The following DTWD2 variants were observed in gnomAD, a reference collection of about 807,000 sequenced individuals.
The protein encoded by DTWD2 is tRNA-uridine aminocarboxypropyltransferase 2.
DTWD2 carries 39 observed loss-of-function variants against 31.8 expected under a neutral mutation model. That is an observed-to-expected ratio of 1.22 (90% confidence interval 0.95 to 1.60). The LOEUF (loss-of-function observed/expected upper bound fraction) is 1.60. DTWD2 is among the 40% of genes most tolerant of loss of function. The probability of loss-of-function intolerance (pLI) is 0.00; values close to 1 mark genes in which losing one functional copy is unlikely to be tolerated. For synonymous variants in DTWD2, 180 were observed against 142.8 expected (o/e 1.26, Z -1.86); for missense variants, 515 against 381.5 (o/e 1.35, Z -2.92).
intron 3 of DTWD2, among the ~76,000 whole-genome samples, chr5:118,935,424 C>T (rs527755223): frequency 2.2e-4 from 33 of 152,276 alleles, no homozygotes; most frequent in Admixed American, 1.2e-3. Context: ...AGCCCTCATC[C>T]TGTGGGATGT....
At chr5:118,882,059 T>A (rs1752753703) in intron 4 of DTWD2, among the ~76,000 whole-genome samples, 1 of 152,220 alleles carries the variant, frequency 6.6e-6, no homozygotes, top group African/African-American at 2.4e-5. Flanking sequence ...CTTCCGCCTA[T>A]GAGCCAGTAC....
rs572817983 is a variant in DTWD2, at chr5:118,849,464, G to A, written c.598-1246C>T. Among the ~76,000 whole-genome samples, 21 of 152,284 alleles carry A rather than the reference G, an allele frequency of 1.4e-4. No homozygotes were observed. The South Asian group carries it at 2.1e-3, about 15-fold the overall frequency. On this transcript the variant is annotated intron_variant, in intron 4 of 5. Transcript: ENST00000510708. The stretch of plus-strand genomic sequence containing the variant: ...TAGTTCAATCACTGTAGAAGACAGC[G>A]TGGCAATTCCTCAACGATCTACAAC...
intron 4 of DTWD2, among the ~76,000 whole-genome samples, chr5:118,851,988 C>A (rs1284594979): frequency 6.6e-6 from 1 of 152,138 alleles, no homozygotes; most frequent in Non-Finnish European, 1.5e-5. Context: ...ATCTCAACCG[C>A]AGAGGACAGA....
At chr5:118,934,488 T>C (rs191405626) in intron 3 of DTWD2, among the ~76,000 whole-genome samples, 1 of 151,960 alleles carries the variant, frequency 6.6e-6, no homozygotes, top group African/African-American at 2.4e-5. Context: ...TGTTATATAT[T>C]TAATGTATAA....
chr5:118,886,938 G>A (rs892574881), intron 4 of DTWD2, among the ~76,000 whole-genome samples: 9 of 152,094 alleles, frequency 5.9e-5, no homozygotes, highest in Non-Finnish European at 1.3e-4. Flanking sequence ...ATTTGGGTAA[G>A]AAATTAATGC....
chr5:118,935,374 A>T (rs765907458), intron 3 of DTWD2, among the ~76,000 whole-genome samples: 5 of 152,170 alleles, frequency 3.3e-5, no homozygotes, highest in Non-Finnish European at 7.3e-5. Context: ...CGGACTTGCC[A>T]ATGGTGTCTG....
At chr5:118,977,343 C>T (rs1755186036) in intron 1 of DTWD2, among the ~76,000 whole-genome samples, 1 of 152,110 alleles carries the variant, frequency 6.6e-6, no homozygotes, top group South Asian at 2.1e-4. Flanking sequence ...TCAGGGCAAT[C>T]AGGCAAGAGA....
chr5:118,899,592 TACAAA>T (rs1753158220), intron 4 of DTWD2, among the ~76,000 whole-genome samples: 1 of 152,014 alleles, frequency 6.6e-6, no homozygotes, highest in African/African-American at 2.4e-5. Flanking sequence ...TCCATGAATC[TACAAA>T]ACAAACACAC....
intron 4 of DTWD2, among the ~76,000 whole-genome samples, chr5:118,892,345 CA>C (rs1752993267): frequency 6.6e-6 from 1 of 152,088 alleles, no homozygotes; most frequent in Non-Finnish European, 1.5e-5. Context: ...AACACATTGA[CA>C]AAATTGGTTC....
Position 118,944,650 on chromosome 5 carries a change from C to A in DTWD2, c.219-1G>T. Reference sequence around the variant, plus strand: ...ACACAAACACACTTTCTGAGGCCGGCTAAAGGGTAAAAAGAAAAATAAAAC... The same window carrying A: ...ACACAAACACACTTTCTGAGGCCGGATAAAGGGTAAAAAGAAAAATAAAAC... On this transcript the variant is annotated splice_acceptor_variant, in intron 1 of 5. Transcript: ENST00000510708. LOFTEE classifies it high-confidence loss of function. 1 of 1,610,378 alleles carries A rather than the reference C, an allele frequency of 6.2e-7. No homozygotes were observed.
chr5:118,953,352 A>T (rs1181728597), intron 1 of DTWD2, among the ~76,000 whole-genome samples: 1 of 152,234 alleles, frequency 6.6e-6, no homozygotes, highest in Non-Finnish European at 1.5e-5. Flanking sequence ...GAAGGTTGGC[A>T]AAGCTTGATG....
intron 4 of DTWD2, among the ~76,000 whole-genome samples, chr5:118,905,091 T>C (rs774233038): frequency 6.6e-6 from 1 of 152,168 alleles, no homozygotes; most frequent in Non-Finnish European, 1.5e-5. Flanking sequence ...TGCATATGTA[T>C]GTACATGTGT....
chr5:118,894,273 C>T (rs1177396004), intron 4 of DTWD2, among the ~76,000 whole-genome samples: 1 of 152,114 alleles, frequency 6.6e-6, no homozygotes, highest in Non-Finnish European at 1.5e-5. Context: ...CTATCCATCC[C>T]CACCTGTAAT....
chr5:118,937,884 C>T (rs1455331016), intron 3 of DTWD2, among the ~76,000 whole-genome samples: 1 of 152,128 alleles, frequency 6.6e-6, no homozygotes, highest in Non-Finnish European at 1.5e-5. Context: ...TTCACTTCCT[C>T]ATTATGTCTC....
At chr5:118,977,375 T>C (rs1755186927) in intron 1 of DTWD2, among the ~76,000 whole-genome samples, 1 of 152,156 alleles carries the variant, frequency 6.6e-6, no homozygotes, top group African/African-American at 2.4e-5. Context: ...GGTATTCAAA[T>C]AGGAAGAGAG....
intron 1 of DTWD2, among the ~76,000 whole-genome samples, chr5:118,955,638 T>G (rs979452054): frequency 2.6e-5 from 4 of 152,104 alleles, no homozygotes; most frequent in African/African-American, 9.7e-5. Flanking sequence ...CAGAAATAAT[T>G]TTTTAAAAGT....
chr5:118,916,986 T>A lies in DTWD2; in HGVS notation c.597+11551A>T, dbSNP rs1364811719. Reference sequence around the variant, plus strand: ...TCAATAAAACTGAACCTCATGAAAATCTATGGAAATTGAGTTTCCTCCCTT... The same window carrying A: ...TCAATAAAACTGAACCTCATGAAAAACTATGGAAATTGAGTTTCCTCCCTT... On this transcript the variant is annotated intron_variant, in intron 4 of 5. Coordinates refer to ENST00000510708, the MANE Select transcript of DTWD2 (RefSeq NM_173666.4). Among the ~76,000 whole-genome samples, 4 of 152,076 alleles carry A rather than the reference T, an allele frequency of 2.6e-5. No homozygotes were observed. The East Asian group carries it at 7.7e-4, about 29-fold the overall frequency.
chr5:118,836,177 A>C lies in DTWD2; in HGVS notation c.*4740T>G, dbSNP rs1561417971. 6.6e-6 allele frequency among the ~76,000 whole-genome samples: 1 copy of C among 152,200 alleles called. No individual in the cohort carries two copies. The highest frequency in any genetic ancestry group is 1.5e-5 in the Non-Finnish European group (1 of 68,022). The stretch of plus-strand genomic sequence containing the variant: ...TCGAATAATTTTTTTAAAAAACCTT[A>C]CATTAAAAAGTTTCTTTTAAAAATA... On this transcript the variant is annotated 3_prime_UTR_variant, in exon 6 of 6. Coordinates refer to ENST00000510708, the MANE Select transcript of DTWD2 (RefSeq NM_173666.4).
intron 1 of DTWD2, among the ~76,000 whole-genome samples, chr5:118,953,791 C>T (rs754544560): frequency 6.6e-6 from 1 of 152,172 alleles, no homozygotes; most frequent in Non-Finnish European, 1.5e-5. Flanking sequence ...TCTAAGGTTG[C>T]TCTACAATGC....
Sources: allele counts gnomAD v4.1 joint callset (sites outside exome capture counted in the v4.1 genomes callset), GRCh38; gene constraint gnomAD v4.1.1; transcripts MANE v1.5; gene names NCBI Gene and HGNC (gene_info 2026-07-23, HGNC 2026-07-21).